Variants in STARD13 observed in about 807,000 individuals in gnomAD.
STARD13 encodes stAR-related lipid transfer protein 13.
Under a neutral mutation model 106.4 loss-of-function variants are expected in STARD13, and 62 were observed. The ratio of observed to expected loss-of-function variants is 0.58; its 90% CI spans 0.48 to 0.72. The LOEUF (loss-of-function observed/expected upper bound fraction) is 0.72. Among genes scored for constraint, STARD13 ranks in the 30% least tolerant of loss-of-function variants. The pLI, the probability that STARD13 is intolerant of heterozygous loss-of-function variation, is 0.00. For missense variants in STARD13, 1,387 were observed against 1,424.0 expected (o/e 0.97, Z 0.42); for synonymous variants, 565 against 553.0 (o/e 1.02, Z -0.31).
chr13:33,165,345 A>C lies in STARD13; in HGVS notation c.315T>G (p.Pro105=). 21 of 1,611,740 alleles carry C rather than the reference A, an allele frequency of 1.3e-5. No homozygotes were observed. Among genetic ancestry groups the C allele is most frequent in the Non-Finnish European group, 1.7e-5 (20 of 1,177,830 alleles). The part of the protein sequence containing the change: ...HDFLEKDLVE[P]LCRRLNTLNK... ...TACTTCACATGGTTTACCTGCAAAG[A>C]GGTTCTACAAGGTCCTTTTCAAGAA... Residue 105 remains proline (P), a synonymous_variant, in exon 3 of 14, where the codon CCT becomes CCG. Coordinates refer to ENST00000336934, the MANE Select transcript of STARD13 (RefSeq NM_178006.4).
At chr13:33,469,887 G>T in the STARD13 span, among the ~76,000 whole-genome samples, 5 of 148,590 alleles carry the variant, frequency 3.4e-5, no homozygotes, top group African/African-American at 5.2e-5. Flanking sequence ...CAGCTTTTTT[G>T]TTTGTTTGTT....
the STARD13 span, among the ~76,000 whole-genome samples, chr13:33,482,945 G>A: frequency 5.3e-5 from 8 of 152,326 alleles, no homozygotes; most frequent in Non-Finnish European, 8.8e-5. Context: ...TCAGGTAGGA[G>A]GGAGGAGAAT....
the STARD13 span, among the ~76,000 whole-genome samples, chr13:33,410,608 A>G: frequency 6.6e-6 from 1 of 152,198 alleles, no homozygotes; most frequent in Admixed American, 6.5e-5. Flanking sequence ...GTCTTCTCCT[A>G]CAAAAGGAAA....
intron 3 of STARD13, among the ~76,000 whole-genome samples, chr13:33,154,464 T>C (rs1431596018): frequency 6.6e-6 from 1 of 152,216 alleles, no homozygotes; most frequent in Non-Finnish European, 1.5e-5. Flanking sequence ...AGGGACACGA[T>C]ATCTATGTGG....
intron 1 of STARD13, among the ~76,000 whole-genome samples, chr13:33,243,118 C>A (rs1889615895): frequency 6.6e-6 from 1 of 152,198 alleles, no homozygotes; most frequent in African/African-American, 2.4e-5. Context: ...CTCATTCCAT[C>A]CCTACCGCCC....
At chr13:33,625,892 G>A in the STARD13 span, among the ~76,000 whole-genome samples, 1 of 152,122 alleles carries the variant, frequency 6.6e-6, no homozygotes, top group South Asian at 2.1e-4. Context: ...AGTAGAGATG[G>A]GGTTTCACCA....
At chr13:33,334,158 T>C (rs1180061965) in intron 1 of STARD13, 2 of 152,238 alleles carry the variant, frequency 1.3e-5, no homozygotes, top group African/African-American at 2.4e-5. Context: ...TTTTAGAAGT[T>C]TGCTAGGCAC....
chr13:33,631,668 T>C, the STARD13 span, among the ~76,000 whole-genome samples: 1 of 152,250 alleles, frequency 6.6e-6, no homozygotes, highest in South Asian at 2.1e-4. Context: ...TTATATTTGT[T>C]GAATTTGATT....
chr13:33,655,340 C>T, the STARD13 span, among the ~76,000 whole-genome samples: 1 of 152,118 alleles, frequency 6.6e-6, no homozygotes, highest in Non-Finnish European at 1.5e-5. Flanking sequence ...TAATTATTGG[C>T]AAGAATTGAT....
intron 1 of STARD13, among the ~76,000 whole-genome samples, chr13:33,283,600 CT>C (rs1205432381): frequency 1.3e-5 from 2 of 152,176 alleles, no homozygotes; most frequent in Non-Finnish European, 2.9e-5. Context: ...ATAATGATTT[CT>C]GAATCACAAG....
the STARD13 span, among the ~76,000 whole-genome samples, chr13:33,611,956 C>A: frequency 2.0e-5 from 3 of 152,078 alleles, no homozygotes; most frequent in Non-Finnish European, 4.4e-5. Context: ...AATATTATCT[C>A]CTTGTGACAA....
chr13:33,545,078 C>T, the STARD13 span, among the ~76,000 whole-genome samples: 8 of 152,114 alleles, frequency 5.3e-5, no homozygotes, highest in Non-Finnish European at 7.4e-5. Context: ...CCTCAGCCTT[C>T]CTGAGTAGCT....
chr13:33,527,398 C>G, the STARD13 span, among the ~76,000 whole-genome samples: 1 of 152,012 alleles, frequency 6.6e-6, no homozygotes, highest in Non-Finnish European at 1.5e-5. Flanking sequence ...CTACAGTCAA[C>G]TTTACTAATG....
At chr13:33,405,548 C>G in the STARD13 span, among the ~76,000 whole-genome samples, 1 of 152,238 alleles carries the variant, frequency 6.6e-6, no homozygotes, top group Non-Finnish European at 1.5e-5. Context: ...GGGAACTTAT[C>G]TAAATATGGT....
chr13:33,421,090 A>G, the STARD13 span, among the ~76,000 whole-genome samples: 5 of 152,254 alleles, frequency 3.3e-5, no homozygotes, highest in African/African-American at 7.2e-5. Context: ...GAAGGCAAGA[A>G]ATAACTAAGA....
At chr13:33,376,277 A>T in the STARD13 span, among the ~76,000 whole-genome samples, 1 of 152,312 alleles carries the variant, frequency 6.6e-6, no homozygotes, top group Admixed American at 6.5e-5. Context: ...ATTATATGCC[A>T]GGTACTGTTC....
the STARD13 span, among the ~76,000 whole-genome samples, chr13:33,477,028 G>A: frequency 1.8e-3 from 281 of 152,312 alleles, no homozygotes; most frequent in African/African-American, 6.4e-3. Context: ...TTTAAGAGCC[G>A]ATTTTGACAG....
chr13:33,575,313 A>C, the STARD13 span, among the ~76,000 whole-genome samples: 8 of 152,214 alleles, frequency 5.3e-5, no homozygotes. Context: ...AATTGTCTAA[A>C]ATATAATTTG....
the STARD13 span, among the ~76,000 whole-genome samples, chr13:33,478,152 G>C: frequency 6.6e-6 from 1 of 152,104 alleles, no homozygotes; most frequent in Admixed American, 6.5e-5. Context: ...TAGTTGGCTG[G>C]GGAGATGGAT....
Sources: gnomAD v4.1 joint callset for allele counts (sites outside exome capture counted in the v4.1 genomes callset) on GRCh38, gnomAD v4.1.1 for gene constraint, MANE v1.5 for transcripts, NCBI Gene and HGNC (gene_info 2026-07-23, HGNC 2026-07-21) for gene names.